HPN: variants seen among roughly 807,000 people sequenced by gnomAD.
HPN encodes hepsin.
Under a neutral mutation model 55.9 loss-of-function variants are expected in HPN, and 13 were observed. That is an observed-to-expected ratio of 0.23 (90% CI 0.15 to 0.37). HPN has a LOEUF of 0.37. Ranked by LOEUF, HPN falls within the 10% of genes least tolerant of loss-of-function variation. The pLI, the probability that HPN is intolerant of heterozygous loss-of-function variation, is 1.00. For missense variants in HPN, 451 were observed against 575.8 expected, an observed-to-expected ratio of 0.78 and a Z score of 2.22; for synonymous variants, 225 against 240.3, an observed-to-expected ratio of 0.94 and a Z score of 0.59.
chr19:35,066,314 C>T lies in HPN; in HGVS notation c.*27C>T. ...CGGTGGCTTCTCGCTGCGCAGCCTC[C>T]AGGGCCCGAGGTGATCCCGGTGGTG... is the stretch of plus-strand genomic sequence containing the variant. On this transcript the variant is annotated 3_prime_UTR_variant, in exon 13 of 13. Transcript: ENST00000672452. 1 of 1,601,240 alleles carries T rather than the reference C, an allele frequency of 6.2e-7. No individual in the cohort carries two copies. Among genetic ancestry groups the T allele is most frequent in the Middle Eastern group, 1.7e-4 (1 of 6,048 alleles).
intron 4 of HPN, among the ~76,000 whole-genome samples, chr19:35,057,559 C>T (rs2064468303): frequency 6.6e-6 from 1 of 151,608 alleles, no homozygotes; most frequent in Non-Finnish European, 1.5e-5. Flanking sequence ...AGTATTTATA[C>T]CAAAATGATT....
upstream of HPN, chr19:35,041,600 C>T (rs999754582): frequency 1.7e-5 from 19 of 1,146,546 alleles, no homozygotes; most frequent in Non-Finnish European, 2.0e-5. Context: ...TAGCTGGGCC[C>T]GCCTGGTCCA....
chr19:35,041,687 T>TC, upstream of HPN: 1 of 148,072 alleles, frequency 6.8e-6, no homozygotes, highest in South Asian at 9.8e-5. Flanking sequence ...TCCCCGCCCC[T>TC]TCACCCGCCC....
intron 4 of HPN, chr19:35,050,509 A>G: frequency 7.8e-7 from 1 of 1,289,240 alleles, no homozygotes; most frequent in Non-Finnish European, 1.0e-6. Flanking sequence ...AACAGCTCTT[A>G]GACTTATCCA....
chr19:35,060,026 C>A (rs1169572815), intron 6 of HPN, 30 bp downstream of exon 6: 7 of 1,607,634 alleles, frequency 4.4e-6, no homozygotes, highest in Non-Finnish European at 6.0e-6. Flanking sequence ...GGTGGGGCAA[C>A]ACCTCAGACC....
chr19:35,043,395 C>T (rs190295280), intron 2 of HPN, among the ~76,000 whole-genome samples: 1 of 152,290 alleles, frequency 6.6e-6, no homozygotes, highest in East Asian at 1.9e-4. Flanking sequence ...CTAGCTGGGG[C>T]TGACTCCCTC....
chr19:35,059,995 T>C lies in HPN; in HGVS notation c.412T>C (p.Cys138Arg). The C allele has an allele frequency of 6.3e-7, 1 of 1,585,846 alleles. No individual in the cohort carries two copies. Among genetic ancestry groups the C allele is most frequent in the Non-Finnish European group, 8.6e-7 (1 of 1,164,786 alleles). Residue 138 changes from cysteine to arginine, a missense_variant and splice_region_variant, in exon 6 of 13, where the codon TGT (cysteine) becomes CGT (arginine). Cys to Arg is a radical substitution (Grantham distance 180). Around this residue, in one of 2 missense-constraint regions of HPN, gnomAD observed 378 missense variants for 445.5 expected, o/e 0.85. Coordinates refer to ENST00000672452, the MANE Select transcript of HPN (RefSeq NM_001384133.1). The part of the protein sequence containing the change: ...TQRLLEVISV[C>R]DCPRGRFLAA... ...GAGGCTGCTGGAGGTCATCTCCGTGTGGTGAGGAGGGCAGCGGGCAGGTGG... is the reference window on the plus strand; with the variant it reads ...GAGGCTGCTGGAGGTCATCTCCGTGCGGTGAGGAGGGCAGCGGGCAGGTGG...
chr19:35,047,363 C>T (rs1193826643), intron 2 of HPN, among the ~76,000 whole-genome samples: 1 of 152,172 alleles, frequency 6.6e-6, no homozygotes, highest in African/African-American at 2.4e-5. Context: ...TCCTTGTGGT[C>T]TGTGTGTGGC....
intron 9 of HPN, among the ~76,000 whole-genome samples, chr19:35,063,637 A>G (rs532339393): frequency 6.6e-6 from 1 of 152,352 alleles, no homozygotes; most frequent in South Asian, 2.1e-4. Flanking sequence ...TGAACCCAGG[A>G]GGTGGAGGTT....
chr19:35,059,665 C>T lies in HPN; in HGVS notation c.161-8C>T. 1.3e-6 allele frequency: 2 copies of T among 1,591,378 alleles called. No individual in the cohort carries two copies. The highest frequency in any genetic ancestry group is 2.3e-5 in the East Asian group (1 of 43,976). ...ACCCAGGCGGCCCCGGGCCCTGTCG[C>T]CCTGCAGTGCAGGTCAGCTCTGCGG... On this transcript the variant is annotated splice_region_variant and splice_polypyrimidine_tract_variant and intron_variant, in intron 4 of 12. Transcript: ENST00000672452.
At chr19:35,051,678 G>T (rs948984880) in intron 4 of HPN, among the ~76,000 whole-genome samples, 2 of 116,670 alleles carry the variant, frequency 1.7e-5, no homozygotes, top group African/African-American at 5.3e-5. Flanking sequence ...ACACTTGATT[G>T]CTTGTTAAAA....
chr19:35,041,690 A>AGAACC, upstream of HPN: 9 of 773,478 alleles, frequency 1.2e-5, no homozygotes, highest in Non-Finnish European at 1.3e-5. Flanking sequence ...CCGCCCCTTC[A>AGAACC]CCCGCCCCTC....
intron 2 of HPN, among the ~76,000 whole-genome samples, chr19:35,045,092 G>A (rs79234092): frequency 0.015 from 2,337 of 152,166 alleles, 194 homozygotes; most frequent in Admixed American, 0.13. Context: ...AAGGGACTAG[G>A]AGGTCCCAGG....
rs755471896 is a variant in HPN at position 35,059,654 on chromosome 19, G to A, written c.161-19G>A. On this transcript the variant is annotated intron_variant, in intron 4 of 12. Coordinates refer to ENST00000672452, the MANE Select transcript of HPN (RefSeq NM_001384133.1). ...CTGGCTGTGGGACCCAGGCGGCCCC[G>A]GGCCCTGTCGCCCTGCAGTGCAGGT... 3.2e-6 allele frequency: 5 copies of A among 1,582,996 alleles called. No individual in the cohort carries two copies. The highest frequency in any genetic ancestry group is 3.6e-5 in the Admixed American group (2 of 55,390).
intron 4 of HPN, among the ~76,000 whole-genome samples, chr19:35,050,090 A>G (rs17775536): frequency 6.6e-6 from 1 of 151,796 alleles, no homozygotes; most frequent in African/African-American, 2.4e-5. Flanking sequence ...AATTCAGTGG[A>G]CCCTTCTAAC....
At chr19:35,063,038 T>C (rs1429411993) in intron 9 of HPN, among the ~76,000 whole-genome samples, 1 of 152,154 alleles carries the variant, frequency 6.6e-6, no homozygotes, top group African/African-American at 2.4e-5. Flanking sequence ...CACAACACAG[T>C]AAAATAATCT....
chr19:35,046,852 A>G (rs1333177296), intron 2 of HPN, among the ~76,000 whole-genome samples: 2 of 152,032 alleles, frequency 1.3e-5, no homozygotes, highest in African/African-American at 4.8e-5. Context: ...TTTTTGAGAC[A>G]GAGTCTCGCT....
chr19:35,051,317 C>T (rs1394291412), intron 4 of HPN, among the ~76,000 whole-genome samples: 1 of 152,130 alleles, frequency 6.6e-6, no homozygotes, highest in Non-Finnish European at 1.5e-5. Context: ...CCATGTTGGC[C>T]AGGATGGTCT....
intron 4 of HPN, among the ~76,000 whole-genome samples, chr19:35,054,704 C>T (rs1472814435): frequency 1.3e-5 from 2 of 152,156 alleles, no homozygotes; most frequent in Non-Finnish European, 2.9e-5. Flanking sequence ...GAAGCCACCC[C>T]ACCTCTCTGA....
Sources: allele counts gnomAD v4.1 joint callset (sites outside exome capture counted in the v4.1 genomes callset), GRCh38; gene constraint gnomAD v4.1.1; regional missense constraint gnomAD v4.1.1; transcripts MANE v1.5; gene names NCBI Gene and HGNC (gene_info 2026-07-23, HGNC 2026-07-21).